The following PCYOX1L variants were observed in gnomAD, a reference collection of about 807,000 sequenced individuals.
PCYOX1L encodes prenylcysteine oxidase 1 like.
Under a neutral mutation model 44.1 loss-of-function variants are expected in PCYOX1L, and 40 were observed. The ratio of observed to expected loss-of-function variants is 0.91; its 90% CI spans 0.70 to 1.18. PCYOX1L has a LOEUF of 1.18. PCYOX1L is among the 50% of genes most tolerant of loss of function. The pLI, the probability that PCYOX1L is intolerant of heterozygous loss-of-function variation, is 0.00. For missense variants in PCYOX1L, 605 were observed against 653.3 expected (o/e 0.93, Z 0.81); for synonymous variants, 266 against 282.8 (o/e 0.94, Z 0.60).
intron 3 of PCYOX1L, chr5:149,365,521 A>G (rs1373591707): frequency 4.5e-6 from 1 of 221,552 alleles, no homozygotes; most frequent in African/African-American, 2.3e-5. Context: ...AGAAGGTGAC[A>G]GTATCAGCAT....
At position 149,364,049 on chromosome 5, in the gene PCYOX1L, G is replaced by T. The variant is rs367682922; in HGVS notation, c.309G>T (p.Arg103=). The T allele has an allele frequency of 6.2e-7, 1 of 1,613,836 alleles. No homozygotes were observed. The highest frequency in any genetic ancestry group is 1.3e-5 in the African/African-American group (1 of 74,932). The change falls in exon 3 of 6, where the codon CGG becomes CGT. Residue 103 remains arginine (R), a synonymous_variant. Coordinates refer to ENST00000274569, the MANE Select transcript of PCYOX1L (RefSeq NM_024028.4). ...DFVKLLGLRH[R]REVVGRSAIF... ...TTGTCTCTGCAGGGCTGAGGCACCG[G>T]CGCGAGGTGGTGGGCAGGAGCGCCA...
intron 3 of PCYOX1L, chr5:149,365,386 TC>T (rs1758164228): frequency 6.5e-6 from 1 of 152,978 alleles, no homozygotes; most frequent in Non-Finnish European, 1.5e-5. Context: ...AGTCAGGAAA[TC>T]CATCGATGGT....
In PCYOX1L at chr5:149,368,448, C is replaced by G; in HGVS notation, c.1279C>G (p.Leu427Val). 1 of 1,614,042 alleles carries G rather than the reference C, an allele frequency of 6.2e-7. No individual in the cohort carries two copies. The highest frequency in any genetic ancestry group is 2.2e-5 in the East Asian group (1 of 44,868). Residue 427 changes from leucine (L) to valine (V), a missense_variant, in exon 6 of 6, where the codon CTC becomes GTC. By Grantham distance (32) the Leu-to-Val change is conservative. Coordinates refer to ENST00000274569, the MANE Select transcript of PCYOX1L (RefSeq NM_024028.4). Reference protein sequence around the residue: ...VQTAEWQAHPLYGSRPTLPRF... With the variant: ...VQTAEWQAHPVYGSRPTLPRF... ...GACAGCTGAGTGGCAGGCCCATCCC[C>G]TCTATGGCTCCCGCCCCACGCTCCC... is the stretch of plus-strand genomic sequence containing the variant.
chr5:149,360,547 A>C (rs1333281641), intron 1 of PCYOX1L, among the ~76,000 whole-genome samples: 1 of 152,196 alleles, frequency 6.6e-6, no homozygotes, highest in Admixed American at 6.5e-5. Flanking sequence ...CATAGTGATC[A>C]TGCACTCTCT....
chr5:149,367,358 A>G lies in PCYOX1L; in HGVS notation c.683-2A>G. 1 of 1,609,580 alleles carries G rather than the reference A, an allele frequency of 6.2e-7. No homozygotes were observed. Among genetic ancestry groups the G allele is most frequent in the Non-Finnish European group, 8.5e-7 (1 of 1,178,308 alleles). On this transcript the variant is annotated splice_acceptor_variant, in intron 4 of 5. Coordinates refer to ENST00000274569, the MANE Select transcript of PCYOX1L (RefSeq NM_024028.4). LOFTEE classifies it high-confidence loss of function. ...TCAGCACCCACTTCCCGCTTTGCCCAGGAGCCATGTCACTAGCCGGGGCCC... is the reference window on the plus strand; with the variant it reads ...TCAGCACCCACTTCCCGCTTTGCCCGGGAGCCATGTCACTAGCCGGGGCCC...
rs1245585016 is a variant in PCYOX1L at position 149,362,627 on chromosome 5, C to T, written c.89-10C>T. 1.9e-6 allele frequency: 3 copies of T among 1,613,976 alleles called. No homozygotes were observed. Among genetic ancestry groups the T allele is most frequent in the Non-Finnish European group, 2.5e-6 (3 of 1,180,046 alleles). ...CTCTCTTCTTCCCTACCTCCCGGGC[C>T]TGCTGACAGCGGTGGTTGGGGCTGG... On this transcript the variant is annotated splice_polypyrimidine_tract_variant and intron_variant, in intron 1 of 5. Coordinates refer to ENST00000274569, the MANE Select transcript of PCYOX1L (RefSeq NM_024028.4).
rs1480107612 is a variant in PCYOX1L at position 149,362,798 on chromosome 5, T to C, written c.250T>C (p.Phe84Leu). ...KQHYESGAAS[F>L]HSLSLHMQDF... The stretch of plus-strand genomic sequence containing the variant: ...GCACTATGAGAGCGGGGCTGCCTCC[T>C]TCCACTCCCTGAGCCTGCACATGCA... Residue 84 changes from phenylalanine to leucine, a missense_variant, in exon 2 of 6, where the codon TTC becomes CTC. Phe to Leu is a conservative substitution (Grantham distance 22, BLOSUM62 0). Coordinates refer to ENST00000274569, the MANE Select transcript of PCYOX1L (RefSeq NM_024028.4). 2 of 1,614,122 alleles carry C rather than the reference T, an allele frequency of 1.2e-6. No homozygotes were observed. The highest frequency in any genetic ancestry group is 2.2e-5 in the South Asian group (2 of 91,090).
At chr5:149,363,761 A>AC (rs1758099721) in intron 2 of PCYOX1L, 5 of 423,446 alleles carry the variant, frequency 1.2e-5, no homozygotes, top group Middle Eastern at 6.6e-4. Flanking sequence ...AGTGGCTGTC[A>AC]CCCCCTGGAC....
chr5:149,365,752 C>G (rs1038263887), intron 3 of PCYOX1L, 190 bp from the exon 4 acceptor site: 2 of 608,830 alleles, frequency 3.3e-6, no homozygotes, highest in Non-Finnish European at 5.8e-6. Flanking sequence ...CTTCACACTC[C>G]CTTTAGGTGG....
At chr5:149,366,251 C>T (rs1758203214) in intron 4 of PCYOX1L, 98 bp downstream of exon 4, 7 of 1,265,424 alleles carry the variant, frequency 5.5e-6, no homozygotes, top group Non-Finnish European at 7.7e-6. Flanking sequence ...TTTTATCCAG[C>T]TCATTGCAGT....
In PCYOX1L at chr5:149,368,169, G is replaced by A. The variant is rs746049255; in HGVS notation, c.1000G>A (p.Val334Ile). ...DVQGSFQPTV[V>I]SLVHGYLNSS... The stretch of plus-strand genomic sequence containing the variant: ...GCAGGGCTCTTTCCAGCCCACCGTC[G>A]TCTCCTTGGTCCACGGCTACCTCAA... The change falls in exon 6 of 6, where the codon GTC becomes ATC. Residue 334 changes from valine to isoleucine, a missense_variant. Val to Ile is a conservative substitution (Grantham distance 29). Transcript: ENST00000274569. 1.1e-5 allele frequency: 17 copies of A among 1,613,520 alleles called. No homozygotes were observed. In the East Asian group the frequency reaches 1.3e-4, roughly 13 times the overall value.
intron 5 of PCYOX1L, 113 bp downstream of exon 5, chr5:149,367,613 GA>G: frequency 7.0e-7 from 1 of 1,436,784 alleles, no homozygotes; most frequent in Non-Finnish European, 9.2e-7. Context: ...GAGTATTTCC[GA>G]AAAAGCATTG....
chr5:149,361,367 G>T (rs565035686), intron 1 of PCYOX1L, among the ~76,000 whole-genome samples: 1 of 152,226 alleles, frequency 6.6e-6, no homozygotes, highest in South Asian at 2.1e-4. Flanking sequence ...GCCAGATCCT[G>T]TTTGAAAAAA....
intron 3 of PCYOX1L, 185 bp from the exon 4 acceptor site, chr5:149,365,757 A>G: frequency 1.6e-6 from 1 of 612,698 alleles, no homozygotes; most frequent in South Asian, 2.0e-5. Flanking sequence ...CACTCCCTTT[A>G]GGTGGGACAG....
chr5:149,369,327 A>G lies in PCYOX1L; in HGVS notation c.*673A>G, dbSNP rs1019943841. On this transcript the variant is annotated 3_prime_UTR_variant, in exon 6 of 6. Transcript: ENST00000274569. ...CTTCCTGGCAACCAGTGGGAAAAGA[A>G]ACATGCGAGGCTGTAGGAAGAGGGA... 4 of 152,214 alleles carry G rather than the reference A, an allele frequency of 2.6e-5. No homozygotes were observed. The South Asian group carries it at 8.3e-4, about 32-fold the overall frequency. The allele number at this position is 152,214 out of a possible 1,614,324, so 9.4% of individuals were successfully genotyped here.
intron 4 of PCYOX1L, among the ~76,000 whole-genome samples, chr5:149,366,526 G>A (rs182744356): frequency 7.4e-4 from 113 of 152,312 alleles, no homozygotes; most frequent in African/African-American, 2.4e-3. Flanking sequence ...CCTCTTCCCA[G>A]CTCTTCACGG....
At position 149,368,268 on chromosome 5, in the gene PCYOX1L, T is replaced by G. The variant is rs773129716; in HGVS notation, c.1099T>G (p.Phe367Val). 1.9e-6 allele frequency: 3 copies of G among 1,614,168 alleles called. No individual in the cohort carries two copies. In the South Asian group the frequency reaches 3.3e-5, roughly 18 times the overall value. Residue 367 changes from phenylalanine (F) to valine (V), a missense_variant, in exon 6 of 6, where the codon TTC becomes GTC. Phe to Val is a conservative substitution (Grantham distance 50). Transcript: ENST00000274569. ...CATCCTTACCACAGATTTCCCCAGCTTCTTCTGCACTCTGGACAACATCTG... is the reference window on the plus strand; with the variant it reads ...CATCCTTACCACAGATTTCCCCAGCGTCTTCTGCACTCTGGACAACATCTG... ...ANILTTDFPS[F>V]FCTLDNICPV...
At position 149,364,061 on chromosome 5, in the gene PCYOX1L, G is replaced by T. The variant is rs750379727; in HGVS notation, c.321G>T (p.Val107=). Reference sequence around the variant, plus strand: ...GGCTGAGGCACCGGCGCGAGGTGGTGGGCAGGAGCGCCATCTTCGGCGGGG... The same window carrying T: ...GGCTGAGGCACCGGCGCGAGGTGGTTGGCAGGAGCGCCATCTTCGGCGGGG... ...LLGLRHRREV[V]GRSAIFGGEH... The change falls in exon 3 of 6, where the codon GTG becomes GTT. Residue 107 remains valine, a synonymous_variant. Transcript: ENST00000274569. 1.2e-5 allele frequency: 19 copies of T among 1,613,946 alleles called. No homozygotes were observed. Among genetic ancestry groups the T allele is most frequent in the Non-Finnish European group, 1.6e-5 (19 of 1,179,956 alleles).
rs749869237 is a variant in PCYOX1L at position 149,362,633 on chromosome 5, A to G, written c.89-4A>G. 3 of 1,614,000 alleles carry G rather than the reference A, an allele frequency of 1.9e-6. No homozygotes were observed. The highest frequency in any genetic ancestry group is 2.5e-6 in the Non-Finnish European group (3 of 1,180,038). Reference sequence around the variant, plus strand: ...TCTTCCCTACCTCCCGGGCCTGCTGACAGCGGTGGTTGGGGCTGGGATTGG... The same window carrying G: ...TCTTCCCTACCTCCCGGGCCTGCTGGCAGCGGTGGTTGGGGCTGGGATTGG... On this transcript the variant is annotated splice_region_variant and splice_polypyrimidine_tract_variant and intron_variant, in intron 1 of 5. Coordinates refer to ENST00000274569, the MANE Select transcript of PCYOX1L (RefSeq NM_024028.4).
Sources: allele counts gnomAD v4.1 joint callset (sites outside exome capture counted in the v4.1 genomes callset), GRCh38; gene constraint gnomAD v4.1.1; transcripts MANE v1.5; gene names NCBI Gene and HGNC (gene_info 2026-07-23, HGNC 2026-07-21).